The following PCDHGA7 variants were observed in gnomAD, a reference collection of about 807,000 sequenced individuals.
PCDHGA7 encodes protocadherin gamma subfamily A, 7, also known as protocadherin gamma-A7.
Under a neutral mutation model 58.3 loss-of-function variants are expected in PCDHGA7, and 44 were observed. The observed-to-expected ratio is 0.75, with a 90% CI of 0.59 to 0.97. The LOEUF (loss-of-function observed/expected upper bound fraction) is 0.97. PCDHGA7 is among the 50% of genes least tolerant of loss of function. The probability of loss-of-function intolerance (pLI) is 0.00; values close to 1 mark genes in which losing one functional copy is unlikely to be tolerated. For synonymous variants in PCDHGA7, 516 were observed against 504.2 expected, an observed-to-expected ratio of 1.02 and a Z score of -0.31; for missense variants, 1,266 against 1,188.7, an observed-to-expected ratio of 1.06 and a Z score of -0.96.
Position 141,427,801 on chromosome 5 carries a change from G to T in PCDHGA7, c.2424+42478G>T, listed in dbSNP as rs755067099. On this transcript the variant is annotated intron_variant, in intron 1 of 3. Coordinates refer to ENST00000518325, the MANE Select transcript of PCDHGA7 (RefSeq NM_018920.4). ...GCACTGTCGTCCTACGTGTCCGTGA[G>T]CGCACAGAGCGGGGTGGTGGTCGCG... 6 of 1,510,138 alleles carry T rather than the reference G, an allele frequency of 4.0e-6. No homozygotes were observed. In the African/African-American group the frequency reaches 8.2e-5, roughly 21 times the overall value. 93.5% of individuals were successfully genotyped at this position (1,510,138 alleles called of 1,614,324 possible). A position where few individuals can be genotyped will look rare whatever the true frequency, so the allele number is the denominator to read the frequency against.
chr5:141,448,720 C>T (rs545687728), intron 1 of PCDHGA7, among the ~76,000 whole-genome samples: 24 of 152,030 alleles, frequency 1.6e-4, no homozygotes, highest in African/African-American at 5.8e-4. Flanking sequence ...GCGGGAGGAT[C>T]ACGAGGTCAG....
Position 141,441,798 on chromosome 5 carries a change from CGGGT to C in PCDHGA7, c.2425-53007_2425-53004del, listed in dbSNP as rs1242635625. 6.4e-4 allele frequency: 248 copies of C among 387,326 alleles called. 2 individuals are homozygous for C. The highest frequency in any genetic ancestry group is 4.8e-3 in the African/African-American group (220 of 46,120). 24.0% of individuals were successfully genotyped at this position (387,326 alleles called of 1,614,324 possible). A position where few individuals can be genotyped will look rare whatever the true frequency, so the allele number is the denominator to read the frequency against. ...GGACGACCTGAATGACAACGCACCG[CGGGT>C]GCTGTACCCCAGCTCTGGAGCGCAA... On this transcript the variant is annotated intron_variant, in intron 1 of 3. Transcript: ENST00000518325.
chr5:141,485,434 G>A lies in PCDHGA7; in HGVS notation c.2425-9373G>A. The A allele has an allele frequency of 6.2e-7, 1 of 1,614,166 alleles. No individual in the cohort carries two copies. The highest frequency in any genetic ancestry group is 8.5e-7 in the Non-Finnish European group (1 of 1,180,018). On this transcript the variant is annotated intron_variant, in intron 1 of 3. Coordinates refer to ENST00000518325, the MANE Select transcript of PCDHGA7 (RefSeq NM_018920.4). This position sits in a 1 kb window ranked among gnomAD's most constrained non-coding sequence, Gnocchi z 5.7. ...TGGACAGCGGAGCCCTGCTCATCAA[G>A]AACCCAATCGACCGAGAGGCACTGT...
chr5:141,404,970 C>A (rs1470955697), intron 1 of PCDHGA7: 1 of 1,613,940 alleles, frequency 6.2e-7, no homozygotes, highest in Non-Finnish European at 8.5e-7. Flanking sequence ...GACATCCTGG[C>A]TGACCTGGGC....
rs71576115 is a variant in PCDHGA7, at chr5:141,463,438, CTTTT to C, written c.2425-31344_2425-31341del. Among the ~76,000 whole-genome samples, 12 of 103,242 alleles carry C rather than the reference CTTTT, an allele frequency of 1.2e-4. No homozygotes were observed. In the South Asian group the frequency reaches 1.6e-3, roughly 14 times the overall value. 67.7% of individuals were successfully genotyped at this position (103,242 alleles called of 152,430 possible). ...GTTTGCGGATCCTCATTTCCTTCTCCTTTTTTTTTTTTTTTTTTTTTTTTTTTTG... is the reference window on the plus strand; with the variant it reads ...GTTTGCGGATCCTCATTTCCTTCTCCTTTTTTTTTTTTTTTTTTTTTTTTG... On this transcript the variant is annotated intron_variant, in intron 1 of 3. Coordinates refer to ENST00000518325, the MANE Select transcript of PCDHGA7 (RefSeq NM_018920.4).
intron 1 of PCDHGA7, chr5:141,398,966 C>T: frequency 6.2e-7 from 1 of 1,613,962 alleles, no homozygotes; most frequent in Non-Finnish European, 8.5e-7. Flanking sequence ...ATTACTTATT[C>T]CTTCTACAGA....
At chr5:141,426,037 G>A (rs2096911238) in intron 1 of PCDHGA7, among the ~76,000 whole-genome samples, 1 of 152,176 alleles carries the variant, frequency 6.6e-6, no homozygotes, top group South Asian at 2.1e-4. Flanking sequence ...TCAGAGCCCT[G>A]CTGTTGGCCA....
chr5:141,479,329 G>A (rs2099493017), intron 1 of PCDHGA7: 1 of 152,490 alleles, frequency 6.6e-6, no homozygotes, highest in African/African-American at 2.4e-5. Context: ...AGACTCAGTG[G>A]TGTGCACCTG....
At chr5:141,452,281 T>C (rs948141174) in intron 1 of PCDHGA7, among the ~76,000 whole-genome samples, 1 of 152,232 alleles carries the variant, frequency 6.6e-6, no homozygotes, top group African/African-American at 2.4e-5. Flanking sequence ...CCTTTCTTAC[T>C]TTCTGATATA....
Position 141,423,508 on chromosome 5 carries a change from A to T in PCDHGA7, c.2424+38185A>T, listed in dbSNP as rs962526072. ...AACCTATTCCCACGAGGTCTCTCTCATTGCGGACTCGCAGAAGAGTCACCT... is the reference window on the plus strand; with the variant it reads ...AACCTATTCCCACGAGGTCTCTCTCTTTGCGGACTCGCAGAAGAGTCACCT... On this transcript the variant is annotated intron_variant, in intron 1 of 3. Coordinates refer to ENST00000518325, the MANE Select transcript of PCDHGA7 (RefSeq NM_018920.4). The T allele has an allele frequency of 9.9e-6, 16 of 1,613,742 alleles. No homozygotes were observed. The highest frequency in any genetic ancestry group is 1.6e-4 in the Middle Eastern group (1 of 6,084).
chr5:141,431,023 C>G lies in PCDHGA7; in HGVS notation c.2424+45700C>G. 6.2e-7 allele frequency: 1 copy of G among 1,613,748 alleles called. No homozygotes were observed. Among genetic ancestry groups the G allele is most frequent in the Non-Finnish European group, 8.5e-7 (1 of 1,179,820 alleles). On this transcript the variant is annotated intron_variant, in intron 1 of 3. Transcript: ENST00000518325. This position sits in a 1 kb window ranked among gnomAD's most constrained non-coding sequence, Gnocchi z 4.8. ...GCAGCGGCAGCTTGGTCACGGCGGG[C>G]AGGATAGACCGGGAGGAGCTCTGTA...
rs572457971 is a variant in PCDHGA7, at chr5:141,426,319, C to T, written c.2424+40996C>T. The T allele has an allele frequency of 1.5e-3, 257 of 175,598 alleles. 1 individual carries two copies. Among genetic ancestry groups the T allele is most frequent in the Non-Finnish European group, 1.2e-3 (99 of 79,820 alleles). 10.9% of individuals were successfully genotyped at this position (175,598 alleles called of 1,614,324 possible). ...CAGGGTGAAGCAGAGAAGCAGGACC[C>T]GGCAGTGGCAAGCACTCTTCCCTTT... is the stretch of plus-strand genomic sequence containing the variant. On this transcript the variant is annotated intron_variant, in intron 1 of 3. Coordinates refer to ENST00000518325, the MANE Select transcript of PCDHGA7 (RefSeq NM_018920.4).
At chr5:141,414,395 G>GAAAAGTCC (rs1226242642) in intron 1 of PCDHGA7, 1 of 1,613,924 alleles carries the variant, frequency 6.2e-7, no homozygotes, top group South Asian at 1.1e-5. Context: ...AGTTATTACA[G>GAAAAGTCC]ATTGGTGATA....
Position 141,489,138 on chromosome 5 carries a change from T to C in PCDHGA7, c.2425-5669T>C. 1.4e-6 allele frequency: 1 copy of C among 738,808 alleles called. No homozygotes were observed. The highest frequency in any genetic ancestry group is 3.0e-5 in the Admixed American group (1 of 33,014). The allele number at this position is 738,808 out of a possible 1,614,324, so 45.8% of individuals were successfully genotyped here. On this transcript the variant is annotated intron_variant, in intron 1 of 3. Transcript: ENST00000518325. This position sits in a 1 kb window ranked among gnomAD's most constrained non-coding sequence, Gnocchi z 4.5. ...AACCTCCGAGCAGTTTTTAAGAGGC[T>C]GGAAGGAGACATAAGAGACTTCAGC...
intron 1 of PCDHGA7, among the ~76,000 whole-genome samples, chr5:141,445,264 G>A (rs566395616): frequency 1.4e-4 from 22 of 152,276 alleles, no homozygotes; most frequent in Admixed American, 1.4e-3. Flanking sequence ...AATATAAGTC[G>A]AAACCACTCT....
intron 1 of PCDHGA7, among the ~76,000 whole-genome samples, chr5:141,468,281 C>T (rs568875291): frequency 6.8e-6 from 1 of 147,354 alleles, no homozygotes; most frequent in African/African-American, 2.5e-5. Flanking sequence ...GCCGAGACCA[C>T]GCCATTGCAC....
In PCDHGA7 at chr5:141,403,547, G is replaced by A. The variant is rs940508173; in HGVS notation, c.2424+18224G>A. ...AAACCCAGAGCTGGTGCTGGAGCGC[G>A]CCCTGGACAGGGAGGAGGCAACTGC... On this transcript the variant is annotated intron_variant, in intron 1 of 3. Coordinates refer to ENST00000518325, the MANE Select transcript of PCDHGA7 (RefSeq NM_018920.4). 3.4e-5 allele frequency: 55 copies of A among 1,613,888 alleles called. No individual in the cohort carries two copies. The highest frequency in any genetic ancestry group is 4.5e-5 in the Non-Finnish European group (53 of 1,179,904).
intron 2 of PCDHGA7, among the ~76,000 whole-genome samples, chr5:141,504,259 G>A (rs1325093588): frequency 6.6e-6 from 1 of 152,126 alleles, no homozygotes; most frequent in Non-Finnish European, 1.5e-5. Flanking sequence ...TTATGGTTTA[G>A]TATTTTTTTA....
chr5:141,492,548 C>T (rs1028674110), intron 1 of PCDHGA7, among the ~76,000 whole-genome samples: 5 of 152,218 alleles, frequency 3.3e-5, no homozygotes, highest in African/African-American at 9.6e-5. Flanking sequence ...TGGGCCGGGT[C>T]GCCTGGGGGG....
Sources: gnomAD v4.1 joint callset for allele counts (sites outside exome capture counted in the v4.1 genomes callset) on GRCh38, gnomAD v4.1.1 for gene constraint, Gnocchi (gnomAD v3.1) non-coding constraint, MANE v1.5 for transcripts, NCBI Gene and HGNC (gene_info 2026-07-23, HGNC 2026-07-21) for gene names.